DCHS2: variants seen among roughly 807,000 people sequenced by gnomAD.
The protein encoded by DCHS2 is dachsous cadherin-related 2.
DCHS2 carries 142 observed loss-of-function variants against 182.4 expected under a neutral mutation model. That is an observed-to-expected ratio of 0.78 (90% confidence interval 0.68 to 0.89). The LOEUF is 0.89. DCHS2 is among the 40% of genes least tolerant of loss of function. The pLI, the probability that DCHS2 is intolerant of heterozygous loss-of-function variation, is 0.00. For synonymous variants in DCHS2, 1,740 were observed against 1,663.3 expected, an observed-to-expected ratio of 1.05 and a Z score of -1.12; for missense variants, 4,319 against 4,198.6, an observed-to-expected ratio of 1.03 and a Z score of -0.79.
rs149712024 is a variant in DCHS2 at position 154,259,738 on chromosome 4, T to A, written c.6596A>T (p.Glu2199Val). The change falls in exon 15 of 20, where the codon GAA becomes GTA. Residue 2199 changes from glutamate (E) to valine (V), a missense_variant. Physicochemically the swap from Glu to Val is moderately radical, Grantham distance 121 (BLOSUM62 -2). Coordinates refer to ENST00000357232, the MANE Select transcript of DCHS2 (RefSeq NM_001358235.2). ...GACTTCAAAATCAAGAAACTTGGGT[T>A]CTTTCACAGTGAGTTGTCCTATTTT... ...CSKSGQLTVK[E>V]PKFLDFEVRN... is the part of the protein sequence containing the mutation. 98 of 1,613,876 alleles carry A rather than the reference T, an allele frequency of 6.1e-5. 1 individual carries two copies. The highest frequency in any genetic ancestry group is 7.7e-5 in the Non-Finnish European group (91 of 1,179,908).
At chr4:154,258,462 C>T (rs1223922699) in intron 15 of DCHS2, among the ~76,000 whole-genome samples, 1 of 142,842 alleles carries the variant, frequency 7.0e-6, no homozygotes, top group Non-Finnish European at 1.5e-5. Flanking sequence ...ACTGTAACCT[C>T]TGCCTTCCAG....
intron 16 of DCHS2, among the ~76,000 whole-genome samples, chr4:154,246,472 AG>A (rs2111121403): frequency 6.6e-6 from 1 of 152,310 alleles, no homozygotes; most frequent in South Asian, 2.1e-4. Flanking sequence ...GCCCACTCAG[AG>A]GTTCTAATGA....
In DCHS2 at chr4:154,390,977, G is replaced by A. The variant is rs931208007; in HGVS notation, c.2053-13533C>T. On this transcript the variant is annotated intron_variant, in intron 1 of 19. Transcript: ENST00000357232. Reference sequence around the variant, plus strand: ...TATGTCTATCATAGATATTGATAACGTCTAATACCATAAAACTTTAAATGA... The same window carrying A: ...TATGTCTATCATAGATATTGATAACATCTAATACCATAAAACTTTAAATGA... Among the ~76,000 whole-genome samples the A allele has an allele frequency of 9.2e-5, 14 of 152,200 alleles. No individual in the cohort carries two copies. In the East Asian group the frequency reaches 2.1e-3, roughly 23 times the overall value.
intron 1 of DCHS2, among the ~76,000 whole-genome samples, chr4:154,402,642 T>C (rs1295583441): frequency 1.3e-5 from 2 of 152,318 alleles, no homozygotes; most frequent in South Asian, 2.1e-4. Context: ...CCATCTTACA[T>C]GGCAGCAGGG....
rs372673150 is a variant in DCHS2, at chr4:154,240,841, A to C, written c.7073-18T>G. On this transcript the variant is annotated intron_variant, in intron 17 of 19. Transcript: ENST00000357232. ...CAAAGAATCTGAAATAGTCATGACCAGTGTCAGTCTCCATTAAAATTCATC... is the reference window on the plus strand; with the variant it reads ...CAAAGAATCTGAAATAGTCATGACCCGTGTCAGTCTCCATTAAAATTCATC... 9.3e-6 allele frequency: 15 copies of C among 1,610,296 alleles called. No homozygotes were observed. Among genetic ancestry groups the C allele is most frequent in the Non-Finnish European group, 1.3e-5 (15 of 1,177,732 alleles).
intron 3 of DCHS2, among the ~76,000 whole-genome samples, chr4:154,338,090 C>T (rs1728899111): frequency 6.6e-6 from 1 of 152,164 alleles, no homozygotes; most frequent in South Asian, 2.1e-4. Context: ...CTGGCCTTCT[C>T]TTTCTCTCCA....
chr4:154,385,725 C>G (rs1044650414), intron 1 of DCHS2, among the ~76,000 whole-genome samples: 12 of 152,032 alleles, frequency 7.9e-5, no homozygotes, highest in African/African-American at 2.9e-4. Flanking sequence ...ATCTCTTGAC[C>G]TCGTGACCCA....
At chr4:154,282,398 C>T (rs1357325448) in intron 13 of DCHS2, among the ~76,000 whole-genome samples, 7 of 151,680 alleles carry the variant, frequency 4.6e-5, no homozygotes, top group East Asian at 3.9e-4. Context: ...TCTCCAAAGA[C>T]GATATCCAAA....
At chr4:154,316,999 TAATG>T (rs1735882849) in intron 9 of DCHS2, among the ~76,000 whole-genome samples, 1 of 152,206 alleles carries the variant, frequency 6.6e-6, no homozygotes, top group South Asian at 2.1e-4. Context: ...TTTCTTGAAA[TAATG>T]AAAGAAGTTT....
At chr4:154,486,112 T>C (rs945962603) in intron 1 of DCHS2, among the ~76,000 whole-genome samples, 1 of 152,178 alleles carries the variant, frequency 6.6e-6, no homozygotes, top group African/African-American at 2.4e-5. Context: ...ACTGAGTTAT[T>C]AAGAAGTCCA....
intron 1 of DCHS2, among the ~76,000 whole-genome samples, chr4:154,382,591 A>G (rs1340492365): frequency 6.6e-6 from 1 of 152,168 alleles, no homozygotes; most frequent in African/African-American, 2.4e-5. Context: ...ATCACAAACT[A>G]TATATCTGAC....
chr4:154,407,420 A>G (rs983184412), intron 1 of DCHS2, among the ~76,000 whole-genome samples: 11 of 152,218 alleles, frequency 7.2e-5, no homozygotes, highest in Non-Finnish European at 1.0e-4. Context: ...GTGGAGGCAG[A>G]GGTTATGTGT....
At chr4:154,396,970 A>G (rs902064819) in intron 1 of DCHS2, among the ~76,000 whole-genome samples, 2 of 152,182 alleles carry the variant, frequency 1.3e-5, no homozygotes, top group Admixed American at 1.3e-4. Context: ...TTCAAACAGA[A>G]TCTGAAGGAA....
At chr4:154,309,398 A>T (rs1431838896) in intron 10 of DCHS2, among the ~76,000 whole-genome samples, 5 of 152,196 alleles carry the variant, frequency 3.3e-5, no homozygotes, top group African/African-American at 1.2e-4. Context: ...TACTGTCGTC[A>T]TCAGCAATGC....
chr4:154,236,631 A>G lies in DCHS2; in HGVS notation c.8021T>C (p.Val2674Ala). The G allele has an allele frequency of 6.2e-7, 1 of 1,614,034 alleles. No individual in the cohort carries two copies. Among genetic ancestry groups the G allele is most frequent in the South Asian group, 1.1e-5 (1 of 91,078 alleles). ...NFSSLSYHTHVKESTPLGSHI... is the reference protein window; with the variant it reads ...NFSSLSYHTHAKESTPLGSHI... ...ACTCCCTAGAGGGGTGCTTTCCTTGACATGGGTGTGATAGCTCAGGCTGCT... is the reference window on the plus strand; with the variant it reads ...ACTCCCTAGAGGGGTGCTTTCCTTGGCATGGGTGTGATAGCTCAGGCTGCT... The change falls in exon 20 of 20, where the codon GTC (valine) becomes GCC (alanine). Residue 2674 changes from valine (V) to alanine (A), a missense_variant. Val to Ala is a moderately conservative substitution (Grantham distance 64). Transcript: ENST00000357232.
At chr4:154,408,742 A>G (rs1195145319) in intron 1 of DCHS2, among the ~76,000 whole-genome samples, 1 of 152,186 alleles carries the variant, frequency 6.6e-6, no homozygotes, top group African/African-American at 2.4e-5. Flanking sequence ...AAAAGAGAAG[A>G]AAACATCTGG....
chr4:154,246,306 G>T (rs1392089482), intron 16 of DCHS2, among the ~76,000 whole-genome samples: 1 of 152,012 alleles, frequency 6.6e-6, no homozygotes, highest in East Asian at 1.9e-4. Context: ...TTCATACTTG[G>T]GGTTAGTAAT....
chr4:154,432,974 T>C (rs912732658), intron 1 of DCHS2, among the ~76,000 whole-genome samples: 2 of 152,140 alleles, frequency 1.3e-5, no homozygotes, highest in Non-Finnish European at 2.9e-5. Context: ...CCTTCCTCAG[T>C]GGGTTGAATC....
rs1231049567 is a variant in DCHS2, at chr4:154,490,916, A to T, written c.440T>A (p.Leu147Gln). Residue 147 changes from leucine (L) to glutamine (Q), a missense_variant, in exon 1 of 20, where the codon CTG (leucine) becomes CAG (glutamine). By Grantham distance (113) the Leu-to-Gln change is moderately radical (BLOSUM62 -2). Coordinates refer to ENST00000357232, the MANE Select transcript of DCHS2 (RefSeq NM_001358235.2). ...AATCTCCACCTGCACCACAGCGCCCAGCAGCGTGGCGGCGACGAAGCTGTA... is the reference window on the plus strand; with the variant it reads ...AATCTCCACCTGCACCACAGCGCCCTGCAGCGTGGCGGCGACGAAGCTGTA... ...DHYSFVAATL[L>Q]GAVVQVEIRV... The T allele has an allele frequency of 6.4e-7, 1 of 1,551,126 alleles. No individual in the cohort carries two copies.
Sources: gnomAD v4.1 joint callset for allele counts (sites outside exome capture counted in the v4.1 genomes callset) on GRCh38, gnomAD v4.1.1 for gene constraint, MANE v1.5 for transcripts, NCBI Gene and HGNC (gene_info 2026-07-23, HGNC 2026-07-21) for gene names.